SLC9A2: variants seen among roughly 807,000 people sequenced by gnomAD.
SLC9A2 encodes the protein sodium/hydrogen exchanger 2.
A neutral mutation model predicts 71.7 loss-of-function variants in SLC9A2; 42 were observed. That is an observed-to-expected ratio of 0.59 (90% CI 0.46 to 0.76). SLC9A2 has a LOEUF of 0.76. Among genes scored for constraint, SLC9A2 ranks in the 30% least tolerant of loss-of-function variants. The pLI is 0.00. For missense variants in SLC9A2, 829 were observed against 1,017.4 expected (o/e 0.81, Z 2.52); for synonymous variants, 396 against 392.5 (o/e 1.01, Z -0.10).
At chr2:102,648,178 C>G (rs571608392) in intron 1 of SLC9A2, among the ~76,000 whole-genome samples, 1 of 152,294 alleles carries the variant, frequency 6.6e-6, no homozygotes, top group Admixed American at 6.5e-5. Context: ...GGATGCAAGG[C>G]TGGTTCAACA....
At chr2:102,632,103 CATATATATGTAT>C (rs1676376901) in intron 1 of SLC9A2, among the ~76,000 whole-genome samples, 1 of 106,712 alleles carries the variant, frequency 9.4e-6, no homozygotes, top group Admixed American at 1.0e-4. Context: ...CATATATATA[CATATATATGTAT>C]ATATACATAT....
intron 1 of SLC9A2, among the ~76,000 whole-genome samples, chr2:102,657,297 A>C (rs1558709632): frequency 6.6e-6 from 1 of 152,160 alleles, no homozygotes; most frequent in Non-Finnish European, 1.5e-5. Context: ...GATTTAGAAA[A>C]AATAAAATCT....
At chr2:102,677,326 C>T (rs1677361842) in intron 3 of SLC9A2, among the ~76,000 whole-genome samples, 2 of 152,140 alleles carry the variant, frequency 1.3e-5, no homozygotes, top group Non-Finnish European at 2.9e-5. Flanking sequence ...GAGGTAGTGT[C>T]TATAGCTGGC....
rs373843223 is a variant in SLC9A2 at position 102,682,746 on chromosome 2, C to T, written c.1005-515C>T. 4.0e-4 allele frequency among the ~76,000 whole-genome samples: 61 copies of T among 152,174 alleles called. 1 individual carries two copies. In the East Asian group the frequency reaches 7.7e-3, roughly 19 times the overall value. The stretch of plus-strand genomic sequence containing the variant: ...CTAAGAGATATTCAGGATGAAGAAT[C>T]GAAAACAGTTGTTGACCAATTATAT... On this transcript the variant is annotated intron_variant, in intron 3 of 11. Coordinates refer to ENST00000233969, the MANE Select transcript of SLC9A2 (RefSeq NM_003048.6).
At chr2:102,670,013 T>C (rs546906608) in intron 3 of SLC9A2, among the ~76,000 whole-genome samples, 2 of 124,050 alleles carry the variant, frequency 1.6e-5, no homozygotes, top group African/African-American at 3.3e-5. Flanking sequence ...TGCCCAATAT[T>C]TTTTTTATTT....
At chr2:102,688,424 C>A (rs1367006758) in intron 5 of SLC9A2, among the ~76,000 whole-genome samples, 1 of 152,098 alleles carries the variant, frequency 6.6e-6, no homozygotes, top group Non-Finnish European at 1.5e-5. Flanking sequence ...GTTTAATATA[C>A]TACATTAAGA....
chr2:102,700,809 AT>A (rs1193264457), intron 7 of SLC9A2, among the ~76,000 whole-genome samples: 3 of 152,192 alleles, frequency 2.0e-5, no homozygotes, highest in Non-Finnish European at 4.4e-5. Context: ...TCATATATAC[AT>A]ATATGTGTAT....
chr2:102,692,520 A>G (rs1677683092), intron 5 of SLC9A2, among the ~76,000 whole-genome samples: 2 of 152,204 alleles, frequency 1.3e-5, no homozygotes, highest in African/African-American at 4.8e-5. Context: ...GCCAGGAAGT[A>G]GTGGCCATCT....
rs1292804976 is a variant in SLC9A2 at position 102,684,228 on chromosome 2, T to C, written c.1317T>C (p.Gly439=). 6.2e-7 allele frequency: 1 copy of C among 1,614,170 alleles called. No homozygotes were observed. Among genetic ancestry groups the C allele is most frequent in the Non-Finnish European group, 8.5e-7 (1 of 1,180,004 alleles). The change falls in exon 5 of 12, where the codon GGT becomes GGC. Residue 439 remains glycine (G), a synonymous_variant. Transcript: ENST00000233969. ...TCATTGCCTATGGAGGACTTCGAGG[T>C]GCCATCTGTTTTGCGTTAGTGTTTC... ...QFIIAYGGLR[G]AICFALVFLL...
At chr2:102,698,842 A>G (rs1677816210) in intron 7 of SLC9A2, among the ~76,000 whole-genome samples, 1 of 152,212 alleles carries the variant, frequency 6.6e-6, no homozygotes, top group African/African-American at 2.4e-5. Flanking sequence ...CTGGCAAGGA[A>G]CAGGGCAAAG....
chr2:102,625,533 A>G (rs1676230832), intron 1 of SLC9A2, among the ~76,000 whole-genome samples: 1 of 140,494 alleles, frequency 7.1e-6, no homozygotes, highest in South Asian at 2.2e-4. Context: ...AAGTGTTCTC[A>G]TTGTTCAATT....
Position 102,709,387 on chromosome 2 carries a change from A to C in SLC9A2, c.*898A>C, listed in dbSNP as rs994079257. On this transcript the variant is annotated 3_prime_UTR_variant, in exon 12 of 12. Coordinates refer to ENST00000233969, the MANE Select transcript of SLC9A2 (RefSeq NM_003048.6). ...GCTGGTGGGTTTTATGTTGTGCAAT[A>C]CTAGGAGGAGGAGGCAGGTGATCTA... 2.6e-5 allele frequency: 4 copies of C among 152,488 alleles called. No individual in the cohort carries two copies. The highest frequency in any genetic ancestry group is 7.2e-5 in the African/African-American group (3 of 41,434). 9.4% of individuals were successfully genotyped at this position (152,488 alleles called of 1,614,324 possible).
At chr2:102,642,017 T>C (rs915188491) in intron 1 of SLC9A2, among the ~76,000 whole-genome samples, 4 of 118,178 alleles carry the variant, frequency 3.4e-5, no homozygotes, top group Non-Finnish European at 7.4e-5. Flanking sequence ...CTGCACGTTA[T>C]GCACAAGTAC....
intron 3 of SLC9A2, among the ~76,000 whole-genome samples, chr2:102,672,033 C>A (rs1024230020): frequency 6.6e-6 from 1 of 152,080 alleles, no homozygotes. Context: ...TGCTTGAACC[C>A]GGGAGGCGGA....
Position 102,620,031 on chromosome 2 carries a change from G to T in SLC9A2, c.183G>T (p.Thr61=). 1 of 1,614,112 alleles carries T rather than the reference G, an allele frequency of 6.2e-7. No individual in the cohort carries two copies. Among genetic ancestry groups the T allele is most frequent in the Admixed American group, 1.7e-5 (1 of 60,026 alleles). ...CGAGCGTGGTGGCTCCCGGAACGAC[G>T]CTGTTCGAGGAGAGCCGGCTGCCTG... ...SPASVVAPGT[T]LFEESRLPVF... Residue 61 remains threonine, a synonymous_variant, in exon 1 of 12, where the codon ACG becomes ACT. Coordinates refer to ENST00000233969, the MANE Select transcript of SLC9A2 (RefSeq NM_003048.6).
intron 3 of SLC9A2, among the ~76,000 whole-genome samples, chr2:102,674,389 C>A (rs770115553): frequency 2.6e-5 from 4 of 152,164 alleles, no homozygotes; most frequent in South Asian, 2.1e-4. Flanking sequence ...GAACCCCAGG[C>A]CCTCCTGTGT....
intron 2 of SLC9A2, among the ~76,000 whole-genome samples, chr2:102,664,455 A>T (rs1677099014): frequency 6.6e-6 from 1 of 151,510 alleles, no homozygotes; most frequent in Non-Finnish European, 1.5e-5. Flanking sequence ...GCACACACAC[A>T]CACACACACA....
At chr2:102,632,147 C>T (rs12622465) in intron 1 of SLC9A2, among the ~76,000 whole-genome samples, 703 of 43,236 alleles carry the variant, frequency 0.016, 15 homozygotes, top group African/African-American at 0.049. Flanking sequence ...TGTATATATA[C>T]ATATATACAC....
At chr2:102,658,087 G>GA in intron 2 of SLC9A2, 60 bp downstream of exon 2, 1 of 1,326,638 alleles carries the variant, frequency 7.5e-7, no homozygotes, top group Non-Finnish European at 1.0e-6. Context: ...CACCTGCAGT[G>GA]GCTCTCTGCA....
Sources: gnomAD v4.1 joint callset for allele counts (sites outside exome capture counted in the v4.1 genomes callset) on GRCh38, gnomAD v4.1.1 for gene constraint, MANE v1.5 for transcripts, NCBI Gene and HGNC (gene_info 2026-07-23, HGNC 2026-07-21) for gene names.